AGBL1: variants seen among roughly 807,000 people sequenced by gnomAD.
AGBL1 encodes the protein cytosolic carboxypeptidase 4.
A neutral mutation model predicts 118.9 loss-of-function variants in AGBL1; 130 were observed. That is an observed-to-expected ratio of 1.09 (90% CI 0.95 to 1.26). The LOEUF (loss-of-function observed/expected upper bound fraction) is 1.26. Ranked by LOEUF, AGBL1 falls within the 50% of genes most tolerant of loss-of-function variation. The pLI is 0.00. For synonymous variants in AGBL1, 555 were observed against 478.9 expected (o/e 1.16, Z -2.08); for missense variants, 1,584 against 1,298.1 (o/e 1.22, Z -3.38).
rs768800461 is a variant in AGBL1 at position 86,735,257 on chromosome 15, A to G, written c.3158+60821A>G. The stretch of plus-strand genomic sequence containing the variant: ...ACACCGTGCCCAGCTAATTTTTTGT[A>G]TTTAGTAGAAATGGGGTTTCACCAT... On this transcript the variant is annotated intron_variant, in intron 22 of 22. Transcript: ENST00000614907. Among the ~76,000 whole-genome samples, 5 of 151,776 alleles carry G rather than the reference A, an allele frequency of 3.3e-5. No homozygotes were observed. The South Asian group carries it at 8.3e-4, about 25-fold the overall frequency.
intron 22 of AGBL1, among the ~76,000 whole-genome samples, chr15:86,791,749 TA>T (rs2078496941): frequency 2.0e-5 from 3 of 150,128 alleles, no homozygotes; most frequent in Admixed American, 6.7e-5. Flanking sequence ...TATATATATA[TA>T]TTTTGAGACA....
chr15:86,362,736 T>A (rs2080824309), intron 17 of AGBL1, among the ~76,000 whole-genome samples: 1 of 152,106 alleles, frequency 6.6e-6, no homozygotes, highest in Non-Finnish European at 1.5e-5. Flanking sequence ...TGGACTGTGG[T>A]AGGGCAGGGC....
At chr15:86,634,055 G>A (rs2085035170) in intron 21 of AGBL1, among the ~76,000 whole-genome samples, 1 of 151,462 alleles carries the variant, frequency 6.6e-6, no homozygotes, top group Admixed American at 6.6e-5. Flanking sequence ...TAAAAAGACA[G>A]AAAATAGCTA....
At chr15:86,614,733 G>A (rs369498594) in intron 21 of AGBL1, among the ~76,000 whole-genome samples, 3 of 152,142 alleles carry the variant, frequency 2.0e-5, no homozygotes, top group East Asian at 3.8e-4. Flanking sequence ...TTAGAACAGT[G>A]TCAACTCCAA....
At chr15:86,568,643 G>T (rs746148856) in intron 21 of AGBL1, among the ~76,000 whole-genome samples, 32 of 152,346 alleles carry the variant, frequency 2.1e-4, no homozygotes, top group Non-Finnish European at 3.8e-4. Context: ...TGGTGGTATA[G>T]ACCCTGGAGC....
chr15:86,217,295 A>T (rs1006267927), intron 5 of AGBL1, among the ~76,000 whole-genome samples: 5 of 152,226 alleles, frequency 3.3e-5, no homozygotes, highest in Non-Finnish European at 5.9e-5. Context: ...TATTTGTTGA[A>T]CGAAAGAATA....
At chr15:86,510,241 C>T (rs756976365) in intron 18 of AGBL1, among the ~76,000 whole-genome samples, 4 of 152,092 alleles carry the variant, frequency 2.6e-5, no homozygotes, top group Non-Finnish European at 5.9e-5. Flanking sequence ...CTAAAGAAAG[C>T]ATAAGAATCA....
At chr15:86,693,869 T>A (rs56903854) in intron 22 of AGBL1, among the ~76,000 whole-genome samples, 1,733 of 152,244 alleles carry the variant, frequency 0.011, 26 homozygotes, top group East Asian at 0.07. Context: ...CCCCACTTTA[T>A]GTTTTTATTT....
intron 1 of AGBL1, among the ~76,000 whole-genome samples, chr15:86,097,170 A>G (rs1188715992): frequency 6.6e-6 from 1 of 151,984 alleles, no homozygotes; most frequent in African/African-American, 2.4e-5. Flanking sequence ...ATTCTTTTTG[A>G]TGTTTATTTT....
At chr15:86,493,903 A>T (rs1299861781) in intron 18 of AGBL1, among the ~76,000 whole-genome samples, 1 of 151,804 alleles carries the variant, frequency 6.6e-6, no homozygotes, top group African/African-American at 2.4e-5. Context: ...GTTTAGCTTC[A>T]TATCAGTGCA....
At chr15:86,574,645 T>C (rs1452137484) in intron 21 of AGBL1, among the ~76,000 whole-genome samples, 1 of 145,526 alleles carries the variant, frequency 6.9e-6, no homozygotes, top group Non-Finnish European at 1.5e-5. Flanking sequence ...TGGTGTGATC[T>C]CGGCTTACTG....
intron 21 of AGBL1, among the ~76,000 whole-genome samples, chr15:86,657,702 C>T (rs777128771): frequency 1.3e-4 from 20 of 152,236 alleles, no homozygotes; most frequent in Non-Finnish European, 2.5e-4. Flanking sequence ...TCTGGACTTG[C>T]TTGCTCCAAA....
chr15:86,470,006 TC>T (rs2082458870), intron 18 of AGBL1, among the ~76,000 whole-genome samples: 1 of 152,198 alleles, frequency 6.6e-6, no homozygotes, highest in Non-Finnish European at 1.5e-5. Flanking sequence ...ATAAATATAT[TC>T]CCCCATTCTG....
At chr15:86,862,491 G>A (rs567832531) in intron 22 of AGBL1, among the ~76,000 whole-genome samples, 108 of 152,274 alleles carry the variant, frequency 7.1e-4, no homozygotes, top group Non-Finnish European at 1.3e-3. Context: ...AGGCCGAGGC[G>A]GGCGGATCGC....
chr15:86,138,713 C>T (rs150531207), intron 1 of AGBL1, among the ~76,000 whole-genome samples: 3 of 152,146 alleles, frequency 2.0e-5, no homozygotes, highest in African/African-American at 4.8e-5. Context: ...CTCATTTTCT[C>T]TCTTATTTTC....
At chr15:86,364,124 G>A (rs971960558) in intron 17 of AGBL1, among the ~76,000 whole-genome samples, 6 of 151,918 alleles carry the variant, frequency 3.9e-5, no homozygotes, top group Non-Finnish European at 5.9e-5. Flanking sequence ...TCCATACTCT[G>A]GAATAATCAT....
At chr15:86,557,257 C>A (rs1423991224) in intron 21 of AGBL1, among the ~76,000 whole-genome samples, 2 of 152,128 alleles carry the variant, frequency 1.3e-5, no homozygotes, top group Non-Finnish European at 1.5e-5. Flanking sequence ...AATGATGCAT[C>A]CTTTGGGGGC....
chr15:86,520,798 G>C lies in AGBL1; in HGVS notation c.2556-2012G>C, dbSNP rs144738867. On this transcript the variant is annotated intron_variant, in intron 18 of 22. Coordinates refer to ENST00000614907, the MANE Select transcript of AGBL1 (RefSeq NM_001386094.1). ...TCACAGAGCAGTCAAAGAGAATCCTGGGGCTCTGGGATGTTGTGCCTGCAA... is the reference window on the plus strand; with the variant it reads ...TCACAGAGCAGTCAAAGAGAATCCTCGGGCTCTGGGATGTTGTGCCTGCAA... Among the ~76,000 whole-genome samples the C allele has an allele frequency of 1.3e-4, 20 of 152,298 alleles. 1 individual carries two copies. In the East Asian group the frequency reaches 3.9e-3, roughly 29 times the overall value.
At chr15:86,438,657 CTTTTT>C (rs35937855) in intron 18 of AGBL1, among the ~76,000 whole-genome samples, 1 of 131,606 alleles carries the variant, frequency 7.6e-6, no homozygotes. Context: ...TAATCTGTCT[CTTTTT>C]TTTTTTTTTT....
Sources: gnomAD v4.1 joint callset for allele counts (sites outside exome capture counted in the v4.1 genomes callset) on GRCh38, gnomAD v4.1.1 for gene constraint, MANE v1.5 for transcripts, NCBI Gene and HGNC (gene_info 2026-07-23, HGNC 2026-07-21) for gene names.